Variants in FRMD4A observed in about 807,000 individuals in gnomAD.
FRMD4A encodes the protein FERM domain-containing protein 4A.
In FRMD4A, 29 loss-of-function variants were observed where a neutral mutation model predicts 129.1. The observed-to-expected ratio is 0.22, with a 90% CI of 0.17 to 0.31. FRMD4A has a LOEUF of 0.31. Ranked by LOEUF, FRMD4A falls within the 10% of genes least tolerant of loss-of-function variation. FRMD4A has a pLI of 1.00. For missense variants in FRMD4A, 1,272 were observed against 1,375.8 expected, an observed-to-expected ratio of 0.92 and a Z score of 1.19; for synonymous variants, 634 against 571.6, an observed-to-expected ratio of 1.11 and a Z score of -1.56.
chr10:14,245,825 C>T (rs1309273708), intron 2 of FRMD4A, among the ~76,000 whole-genome samples: 4 of 152,152 alleles, frequency 2.6e-5, no homozygotes, highest in Non-Finnish European at 5.9e-5. Context: ...TTGTTTAACC[C>T]TCCCAGTCTG....
chr10:14,207,336 G>A (rs900487733), intron 2 of FRMD4A, among the ~76,000 whole-genome samples: 7 of 151,888 alleles, frequency 4.6e-5, no homozygotes, highest in African/African-American at 9.7e-5. Flanking sequence ...TGATTCAAGC[G>A]CATTACATTT....
At chr10:13,856,603 G>A (rs1046353615) in intron 3 of FRMD4A, among the ~76,000 whole-genome samples, 1 of 152,120 alleles carries the variant, frequency 6.6e-6, no homozygotes, top group African/African-American at 2.4e-5. Flanking sequence ...AGACCTAAGA[G>A]AGACCAGCCA....
chr10:14,053,238 G>T (rs1834348750), intron 2 of FRMD4A, among the ~76,000 whole-genome samples: 2 of 152,188 alleles, frequency 1.3e-5, no homozygotes, highest in Non-Finnish European at 2.9e-5. Flanking sequence ...TCTACAGAAT[G>T]GTGTATTAGC....
At chr10:14,053,988 T>C (rs991978864) in intron 2 of FRMD4A, among the ~76,000 whole-genome samples, 5 of 151,670 alleles carry the variant, frequency 3.3e-5, no homozygotes, top group African/African-American at 1.2e-4. Flanking sequence ...GCCTCGGCAA[T>C]AGAGTGAGAC....
At chr10:13,952,397 A>T (rs1167493391) in intron 2 of FRMD4A, among the ~76,000 whole-genome samples, 1 of 151,992 alleles carries the variant, frequency 6.6e-6, no homozygotes, top group East Asian at 1.9e-4. Flanking sequence ...GTTGCTTGGG[A>T]GGCTGAGGAT....
intron 2 of FRMD4A, among the ~76,000 whole-genome samples, chr10:13,865,493 T>C (rs1484886492): frequency 1.3e-5 from 2 of 148,238 alleles, no homozygotes; most frequent in African/African-American, 2.5e-5. Context: ...CTCTGTCTCC[T>C]AGGCTGGAGT....
chr10:13,957,306 T>G (rs2095415500), intron 2 of FRMD4A, among the ~76,000 whole-genome samples: 1 of 152,166 alleles, frequency 6.6e-6, no homozygotes, highest in African/African-American at 2.4e-5. Flanking sequence ...CAGACTGGAG[T>G]GCAGTGGTGC....
At chr10:14,222,136 G>T (rs1232139156) in intron 2 of FRMD4A, among the ~76,000 whole-genome samples, 1 of 152,114 alleles carries the variant, frequency 6.6e-6, no homozygotes, top group Non-Finnish European at 1.5e-5. Flanking sequence ...CATATCTTTC[G>T]ATATTCAAAT....
intron 2 of FRMD4A, among the ~76,000 whole-genome samples, chr10:14,108,237 G>C (rs185676056): frequency 6.6e-6 from 1 of 152,212 alleles, no homozygotes; most frequent in East Asian, 1.9e-4. Context: ...TCTATTTTCA[G>C]ATAAGTGCAT....
At chr10:13,684,840 GA>G (rs1479780158) in intron 15 of FRMD4A, 5 of 982,160 alleles carry the variant, frequency 5.1e-6, no homozygotes, top group African/African-American at 1.8e-5. Context: ...CTAAAGAAGG[GA>G]AATGACAATC....
intron 2 of FRMD4A, among the ~76,000 whole-genome samples, chr10:14,319,196 A>C (rs781225680): frequency 6.6e-6 from 1 of 152,214 alleles, no homozygotes; most frequent in African/African-American, 2.4e-5. Flanking sequence ...CTGAAGCTCC[A>C]GTGTGGAACA....
chr10:13,927,710 G>GAC (rs549017229), intron 2 of FRMD4A, among the ~76,000 whole-genome samples: 272 of 152,240 alleles, frequency 1.8e-3, no homozygotes, highest in Non-Finnish European at 2.8e-3. Context: ...AATGTGTAGA[G>GAC]ACTGTCCATA....
At chr10:14,234,133 CT>C (rs1284287134) in intron 2 of FRMD4A, among the ~76,000 whole-genome samples, 2 of 152,140 alleles carry the variant, frequency 1.3e-5, no homozygotes, top group Admixed American at 1.3e-4. Flanking sequence ...GAAAATGCAT[CT>C]TTTTTTGTCT....
intron 2 of FRMD4A, among the ~76,000 whole-genome samples, chr10:14,121,791 T>C (rs1394621660): frequency 6.6e-5 from 10 of 152,296 alleles, no homozygotes; most frequent in Non-Finnish European, 7.4e-5. Flanking sequence ...CAGCGTGAAC[T>C]TGGGGGCCAT....
At chr10:14,329,122 T>C (rs1843407225) in intron 2 of FRMD4A, among the ~76,000 whole-genome samples, 1 of 152,212 alleles carries the variant, frequency 6.6e-6, no homozygotes, top group African/African-American at 2.4e-5. Flanking sequence ...CATCAGGCCT[T>C]GCAAAGTTGC....
At chr10:13,673,253 C>T (rs1186777709) in intron 16 of FRMD4A, among the ~76,000 whole-genome samples, 2 of 152,172 alleles carry the variant, frequency 1.3e-5, no homozygotes, top group African/African-American at 4.8e-5. Context: ...AATTGCTTTC[C>T]TAAGATTTGC....
rs1833662278 is a variant in FRMD4A, at chr10:14,039,381, TCCATCCATCCATCCATCCATCC to T, written c.46-180491_46-180470del. On this transcript the variant is annotated intron_variant, in intron 2 of 24. Coordinates refer to ENST00000357447, the MANE Select transcript of FRMD4A (RefSeq NM_018027.5). The stretch of plus-strand genomic sequence containing the variant: ...ATCTGTCCGTCCGTCCATCCATCCA[TCCATCCATCCATCCATCCATCC>T]ATCCATCTATCTATCTATCTATCTA... Among the ~76,000 whole-genome samples, 14 of 140,174 alleles carry T rather than the reference TCCATCCATCCATCCATCCATCC, an allele frequency of 1.0e-4. 1 individual carries two copies. The highest frequency in any genetic ancestry group is 2.3e-4 in the South Asian group (1 of 4,278). The allele number at this position is 140,174 out of a possible 152,430, so 92.0% of individuals were successfully genotyped here. A position where few individuals can be genotyped will look rare whatever the true frequency, so the allele number is the denominator to read the frequency against.
chr10:13,930,277 G>T (rs558531427), intron 2 of FRMD4A, among the ~76,000 whole-genome samples: 3 of 152,196 alleles, frequency 2.0e-5, no homozygotes, highest in African/African-American at 4.8e-5. Context: ...CATCAAAGGC[G>T]TTCACTGCAT....
intron 2 of FRMD4A, among the ~76,000 whole-genome samples, chr10:14,274,685 A>G (rs947945757): frequency 6.6e-6 from 1 of 152,168 alleles, no homozygotes. Context: ...ATGAAGGGAC[A>G]AAAGAGGAGG....
Sources: allele counts gnomAD v4.1 joint callset (sites outside exome capture counted in the v4.1 genomes callset), GRCh38; gene constraint gnomAD v4.1.1; transcripts MANE v1.5; gene names NCBI Gene and HGNC (gene_info 2026-07-23, HGNC 2026-07-21).